The following SNX16 variants were observed in gnomAD, a reference collection of about 807,000 sequenced individuals.
SNX16 encodes the protein sorting nexin-16.
Under a neutral mutation model 36.7 loss-of-function variants are expected in SNX16, and 35 were observed. The observed-to-expected ratio is 0.95, with a 90% CI of 0.73 to 1.27. SNX16 has a LOEUF of 1.27. Ranked by LOEUF, SNX16 falls within the 50% of genes most tolerant of loss-of-function variation. The pLI is 0.00. For missense variants in SNX16, 367 were observed against 393.6 expected, an observed-to-expected ratio of 0.93 and a Z score of 0.57; for synonymous variants, 134 against 132.0, an observed-to-expected ratio of 1.02 and a Z score of -0.10.
At chr8:81,813,398 GGAACTTAA>G (rs2130647457) in intron 5 of SNX16, among the ~76,000 whole-genome samples, 1 of 151,582 alleles carries the variant, frequency 6.6e-6, no homozygotes, top group South Asian at 2.1e-4. Flanking sequence ...GATAGGTATA[GGAACTTAA>G]GACCCTTACC....
chr8:81,824,052 G>C, intron 3 of SNX16, 112 bp from the exon 4 acceptor site: 2 of 1,045,182 alleles, frequency 1.9e-6, no homozygotes, highest in Non-Finnish European at 2.7e-6. Context: ...TAAAATAAAA[G>C]AATTAAATTC....
intron 7 of SNX16, among the ~76,000 whole-genome samples, 193 bp from the exon 8 acceptor site, chr8:81,801,786 A>G (rs1387342089): frequency 1.3e-5 from 2 of 151,672 alleles, no homozygotes; most frequent in Non-Finnish European, 3.0e-5. Context: ...TTGCCAAGTA[A>G]GACCTTTGGA....
chr8:81,807,765 T>G (rs1810033878), intron 5 of SNX16: 1 of 691,318 alleles, frequency 1.4e-6, no homozygotes, highest in African/African-American at 1.8e-5. Context: ...CTCTTCTCCC[T>G]GCTGTCATGT....
At position 81,801,586 on chromosome 8, in the gene SNX16, T is replaced by C; in HGVS notation, c.946A>G (p.Asn316Asp). Reference sequence around the variant, plus strand: ...TCACTAAAACTTAAGCATGGTTTATTATCAGCTCTGCAAAAAAAAAAAAAA... The same window carrying C: ...TCACTAAAACTTAAGCATGGTTTATCATCAGCTCTGCAAAAAAAAAAAAAA... ...DVLDEESRAD[N>D]KPCLSFSEPE... is the part of the protein sequence containing the mutation. Residue 316 changes from asparagine (N) to aspartate (D), a missense_variant, in exon 8 of 8, where the codon AAT (asparagine) becomes GAT (aspartate). Transcript: ENST00000345957. 2 of 1,542,866 alleles carry C rather than the reference T, an allele frequency of 1.3e-6. No individual in the cohort carries two copies. The highest frequency in any genetic ancestry group is 1.4e-5 in the African/African-American group (1 of 70,160).
chr8:81,799,726 A>G lies in SNX16; in HGVS notation c.*1771T>C, dbSNP rs1809596990. 6.6e-6 allele frequency: 1 copy of G among 151,954 alleles called. No homozygotes were observed. The highest frequency in any genetic ancestry group is 6.5e-5 in the Admixed American group (1 of 15,276). 9.4% of individuals were successfully genotyped at this position (151,954 alleles called of 1,614,324 possible). ...TTTTCTTCATCCTTGAAGAACTTTAAATACAATCTTCCAAAAAGCCAGATT... is the reference window on the plus strand; with the variant it reads ...TTTTCTTCATCCTTGAAGAACTTTAGATACAATCTTCCAAAAAGCCAGATT... On this transcript the variant is annotated 3_prime_UTR_variant, in exon 8 of 8. Transcript: ENST00000345957.
Position 81,804,211 on chromosome 8 carries a change from C to T in SNX16, c.682-983G>A, listed in dbSNP as rs1010086865. ...TCAAGAATGAAACAAAATTAAAAGA[C>T]ATTTGAACATCAAAGATCTAAGCAT... On this transcript the variant is annotated intron_variant, in intron 5 of 7. Coordinates refer to ENST00000345957, the MANE Select transcript of SNX16 (RefSeq NM_152836.3). Among the ~76,000 whole-genome samples, 4 of 151,986 alleles carry T rather than the reference C, an allele frequency of 2.6e-5. 1 individual carries two copies. In the South Asian group the frequency reaches 6.2e-4, roughly 24 times the overall value.
rs1809623749 is a variant in SNX16 at position 81,800,191 on chromosome 8, T to C, written c.*1306A>G. 1.3e-5 allele frequency: 2 copies of C among 151,894 alleles called. No homozygotes were observed. Among genetic ancestry groups the C allele is most frequent in the African/African-American group, 4.8e-5 (2 of 41,450 alleles). 9.4% of individuals were successfully genotyped at this position (151,894 alleles called of 1,614,324 possible). A position where few individuals can be genotyped will look rare whatever the true frequency, so the allele number is the denominator to read the frequency against. ...AAGAAAAAAATGGAGATTGTTATTC[T>C]ATTTCCCCAGTAAGTTTCCCTCAGT... On this transcript the variant is annotated 3_prime_UTR_variant, in exon 8 of 8. Transcript: ENST00000345957.
intron 5 of SNX16, among the ~76,000 whole-genome samples, chr8:81,805,389 C>A (rs1809885117): frequency 6.6e-6 from 1 of 151,908 alleles, no homozygotes; most frequent in South Asian, 2.1e-4. Flanking sequence ...CTAGAAACAA[C>A]TGAGAAAGCA....
At chr8:81,815,119 A>G (rs1013584174) in intron 5 of SNX16, 2 of 302,638 alleles carry the variant, frequency 6.6e-6, no homozygotes, top group East Asian at 5.1e-5. Flanking sequence ...TATAAGACAT[A>G]TATGAATTTT....
chr8:81,807,064 G>T (rs1205845808), intron 5 of SNX16, among the ~76,000 whole-genome samples: 1 of 152,108 alleles, frequency 6.6e-6, no homozygotes, highest in South Asian at 2.1e-4. Flanking sequence ...AATGGCAATA[G>T]GATTTTTTCA....
At chr8:81,824,019 T>C in intron 3 of SNX16, 79 bp from the exon 4 acceptor site, 1 of 1,253,232 alleles carries the variant, frequency 8.0e-7, no homozygotes, top group Non-Finnish European at 1.1e-6. Flanking sequence ...GTTGACTACA[T>C]GAAATTATTC....
chr8:81,820,834 A>G (rs546679053), intron 4 of SNX16, among the ~76,000 whole-genome samples: 46 of 152,006 alleles, frequency 3.0e-4, no homozygotes, highest in African/African-American at 1.1e-3. Flanking sequence ...ACCAGTGAGT[A>G]TATATCCCCT....
At chr8:81,829,356 A>C (rs1811149620) in intron 3 of SNX16, 74 bp downstream of exon 3, 1 of 577,964 alleles carries the variant, frequency 1.7e-6, no homozygotes, top group Non-Finnish European at 2.7e-6. Flanking sequence ...ACAAAGAAAA[A>C]ATATAACAGA....
At chr8:81,805,071 T>C (rs1809869644) in intron 5 of SNX16, among the ~76,000 whole-genome samples, 1 of 152,028 alleles carries the variant, frequency 6.6e-6, no homozygotes, top group Non-Finnish European at 1.5e-5. Context: ...AATTAAGAAA[T>C]ACATATTCTT....
At chr8:81,830,468 G>A (rs528017164) in intron 2 of SNX16, among the ~76,000 whole-genome samples, 1 of 151,912 alleles carries the variant, frequency 6.6e-6, no homozygotes, top group East Asian at 1.9e-4. Context: ...TTACTTGGGA[G>A]GCTGAGGCAG....
Position 81,839,995 on chromosome 8 carries a change from G to A in SNX16, c.-9C>T, listed in dbSNP as rs1406045756. The A allele has an allele frequency of 6.3e-7, 1 of 1,583,588 alleles. No individual in the cohort carries two copies. Among genetic ancestry groups the A allele is most frequent in the African/African-American group, 1.4e-5 (1 of 73,386 alleles). On this transcript the variant is annotated 5_prime_UTR_variant, in exon 2 of 8. Coordinates refer to ENST00000345957, the MANE Select transcript of SNX16 (RefSeq NM_152836.3). ...ACATAAGGAGTTGCCATCTTCTTTT[G>A]GCTTTTCCAACAAGCTTGCACACTG... is the stretch of plus-strand genomic sequence containing the variant.
chr8:81,811,355 T>TA (rs1395889002), intron 5 of SNX16, among the ~76,000 whole-genome samples: 1 of 152,100 alleles, frequency 6.6e-6, no homozygotes, highest in East Asian at 1.9e-4. Context: ...CATATGCGTG[T>TA]ATAGAATAGG....
intron 3 of SNX16, among the ~76,000 whole-genome samples, chr8:81,828,815 T>C (rs569198220): frequency 5.6e-4 from 85 of 152,316 alleles, no homozygotes; most frequent in African/African-American, 2.0e-3. Flanking sequence ...GGAGGGGCTA[T>C]GTACAAGGAC....
chr8:81,810,617 T>C (rs1481332356), intron 5 of SNX16, among the ~76,000 whole-genome samples: 1 of 152,194 alleles, frequency 6.6e-6, no homozygotes, highest in Non-Finnish European at 1.5e-5. Flanking sequence ...AGGAGATACA[T>C]TCCATATTAC....
Sources: gnomAD v4.1 joint callset for allele counts (sites outside exome capture counted in the v4.1 genomes callset) on GRCh38, gnomAD v4.1.1 for gene constraint, MANE v1.5 for transcripts, NCBI Gene and HGNC (gene_info 2026-07-23, HGNC 2026-07-21) for gene names.